COL11A1: variants seen among roughly 807,000 people sequenced by gnomAD.
The protein encoded by COL11A1 is collagen alpha-1(XI) chain.
In COL11A1, 74 loss-of-function variants were observed where a neutral mutation model predicts 265.2. The ratio of observed to expected loss-of-function variants is 0.28; its 90% CI spans 0.23 to 0.34. COL11A1 has a LOEUF of 0.34. COL11A1 is among the 10% of genes least tolerant of loss of function. The pLI is 1.00. For missense variants in COL11A1, 2,165 were observed against 2,263.6 expected (o/e 0.96, Z 0.88); for synonymous variants, 816 against 727.6 (o/e 1.12, Z -1.96).
intron 41 of COL11A1, among the ~76,000 whole-genome samples, chr1:102,957,087 T>C (rs10874665): frequency 0.22 from 33,555 of 151,820 alleles, 3,723 homozygotes; most frequent in Non-Finnish European, 0.24. Context: ...AAATAAAGTT[T>C]CTCTAAATAT....
intron 54 of COL11A1, among the ~76,000 whole-genome samples, chr1:102,908,056 A>T (rs1023219442): frequency 6.6e-6 from 1 of 152,104 alleles, no homozygotes; most frequent in Non-Finnish European, 1.5e-5. Flanking sequence ...TTTTGAAAAC[A>T]TTCTTCCCAA....
At chr1:102,952,289 G>A (rs1408510862) in intron 41 of COL11A1, among the ~76,000 whole-genome samples, 1 of 152,094 alleles carries the variant, frequency 6.6e-6, no homozygotes, top group Non-Finnish European at 1.5e-5. Flanking sequence ...AGTAGAGACA[G>A]GGTTTCACCA....
intron 39 of COL11A1, 89 bp from the exon 40 acceptor site, chr1:102,962,354 AG>A: frequency 9.9e-7 from 1 of 1,012,778 alleles, no homozygotes; most frequent in Non-Finnish European, 1.6e-6. Context: ...AACTACTGTA[AG>A]TAAAATGTGA....
intron 49 of COL11A1, among the ~76,000 whole-genome samples, chr1:102,917,058 A>T (rs919469194): frequency 6.6e-6 from 1 of 151,774 alleles, no homozygotes; most frequent in South Asian, 2.1e-4. Context: ...TAGAAAAAAA[A>T]CCTAAAATTC....
chr1:103,060,983 A>C (rs1229754232), intron 4 of COL11A1, among the ~76,000 whole-genome samples: 1 of 152,132 alleles, frequency 6.6e-6, no homozygotes, highest in Non-Finnish European at 1.5e-5. Context: ...TCAAAAAAAA[A>C]CCAAGGCTCA....
intron 10 of COL11A1, among the ~76,000 whole-genome samples, chr1:103,018,407 T>C (rs543794077): frequency 6.6e-5 from 10 of 152,264 alleles, no homozygotes; most frequent in African/African-American, 9.6e-5. Context: ...AACATCAGCC[T>C]TATCAGGATA....
At chr1:103,000,124 C>A (rs1664975919) in intron 24 of COL11A1, among the ~76,000 whole-genome samples, 1 of 151,680 alleles carries the variant, frequency 6.6e-6, no homozygotes, top group Admixed American at 6.6e-5. Flanking sequence ...GAGCAAATTC[C>A]TCTTAATAAT....
At chr1:103,044,788 A>C (rs1396352628) in intron 4 of COL11A1, among the ~76,000 whole-genome samples, 1 of 152,136 alleles carries the variant, frequency 6.6e-6, no homozygotes, top group Non-Finnish European at 1.5e-5. Context: ...CACAGCACAA[A>C]GCTCCTGCAT....
rs1667484816 is a variant in COL11A1, at chr1:103,026,030, G to A, written c.897+186C>T. ...AATATAGAGCACAGATGAAAGGAAG[G>A]CTAAGCAAAAGTGAAATGGACATCA... On this transcript the variant is annotated intron_variant, in intron 6 of 66. Coordinates refer to ENST00000370096, the MANE Select transcript of COL11A1 (RefSeq NM_001854.4). 6.8e-6 allele frequency: 10 copies of A among 1,470,804 alleles called. No homozygotes were observed. In the South Asian group the frequency reaches 1.0e-4, roughly 15 times the overall value. The allele number at this position is 1,470,804 out of a possible 1,614,324, so 91.1% of individuals were successfully genotyped here. A position where few individuals can be genotyped will look rare whatever the true frequency, so the allele number is the denominator to read the frequency against.
chr1:102,965,266 TTC>T (rs1661299518), intron 38 of COL11A1, among the ~76,000 whole-genome samples: 1 of 152,204 alleles, frequency 6.6e-6, no homozygotes, highest in Admixed American at 6.5e-5. Context: ...TATTTTATTC[TTC>T]TCTTTTATTC....
At chr1:103,086,561 C>A (rs1672881498) in intron 1 of COL11A1, among the ~76,000 whole-genome samples, 4 of 152,042 alleles carry the variant, frequency 2.6e-5, no homozygotes, top group African/African-American at 9.7e-5. Context: ...GGACTCCAGG[C>A]GCCCGCCACC....
intron 54 of COL11A1, among the ~76,000 whole-genome samples, chr1:102,908,815 C>T (rs747418844): frequency 6.6e-6 from 1 of 151,968 alleles, no homozygotes; most frequent in African/African-American, 2.4e-5. Context: ...ATCCACTTAA[C>T]CATAATTTTA....
At chr1:103,046,346 T>C (rs1669267998) in intron 4 of COL11A1, among the ~76,000 whole-genome samples, 1 of 144,456 alleles carries the variant, frequency 6.9e-6, no homozygotes, top group Admixed American at 7.1e-5. Context: ...TGCATTTCTC[T>C]GATGGCCAGT....
intron 13 of COL11A1, among the ~76,000 whole-genome samples, chr1:103,012,716 T>C (rs1042891016): frequency 6.6e-6 from 1 of 152,162 alleles, no homozygotes; most frequent in Non-Finnish European, 1.5e-5. Flanking sequence ...TATGACTTAA[T>C]CAAAAATAAA....
intron 54 of COL11A1, among the ~76,000 whole-genome samples, chr1:102,908,714 T>C (rs1019111634): frequency 1.3e-5 from 2 of 152,130 alleles, no homozygotes; most frequent in African/African-American, 4.8e-5. Flanking sequence ...TTTTCTTCAA[T>C]GAGACCATTG....
At chr1:103,071,723 G>A (rs1306702864) in intron 4 of COL11A1, among the ~76,000 whole-genome samples, 2 of 150,568 alleles carry the variant, frequency 1.3e-5, no homozygotes, top group Non-Finnish European at 3.0e-5. Flanking sequence ...ACTGACAGAT[G>A]GGTCACTGTT....
At chr1:102,929,862 G>A (rs1657170944) in intron 46 of COL11A1, among the ~76,000 whole-genome samples, 1 of 152,152 alleles carries the variant, frequency 6.6e-6, no homozygotes, top group African/African-American at 2.4e-5. Context: ...AATTGTGAAT[G>A]GGAGTTCACT....
chr1:103,065,523 A>G (rs1671047910), intron 4 of COL11A1, among the ~76,000 whole-genome samples: 1 of 11,292 alleles, frequency 8.9e-5, no homozygotes, highest in African/African-American at 1.8e-4. Context: ...ACTCCGTCTC[A>G]AAAAAAAAAA....
intron 4 of COL11A1, among the ~76,000 whole-genome samples, chr1:103,071,675 T>A (rs1185935660): frequency 2.6e-5 from 4 of 151,548 alleles, no homozygotes; most frequent in Admixed American, 1.3e-4. Context: ...CCATGAGGAC[T>A]TTTAGCAGAC....
Sources: allele counts gnomAD v4.1 joint callset (sites outside exome capture counted in the v4.1 genomes callset), GRCh38; gene constraint gnomAD v4.1.1; transcripts MANE v1.5; gene names NCBI Gene and HGNC (gene_info 2026-07-23, HGNC 2026-07-21).